The following RGS7 variants were observed in gnomAD, a reference collection of about 807,000 sequenced individuals.
RGS7 encodes regulator of G protein signaling 7, also known as regulator of G-protein signaling 7.
In RGS7, 27 loss-of-function variants were observed where a neutral mutation model predicts 81.1. The ratio of observed to expected loss-of-function variants is 0.33; its 90% CI spans 0.25 to 0.46. The LOEUF (loss-of-function observed/expected upper bound fraction) is 0.46. RGS7 is among the 20% of genes least tolerant of loss of function. The pLI, the probability that RGS7 is intolerant of heterozygous loss-of-function variation, is 1.00. For missense variants in RGS7, 396 were observed against 607.4 expected (o/e 0.65, Z 3.66); for synonymous variants, 208 against 207.7 (o/e 1.00, Z -0.01).
At chr1:241,106,743 A>ACTC in intron 2 of RGS7, among the ~76,000 whole-genome samples, 1 of 95,934 alleles carries the variant, frequency 1.0e-5, no homozygotes, top group African/African-American at 4.9e-5. Context: ...AAAAAAACCA[A>ACTC]CACCACCACC....
intron 2 of RGS7, among the ~76,000 whole-genome samples, chr1:241,343,123 A>G (rs1027992522): frequency 1.3e-5 from 2 of 152,062 alleles, no homozygotes; most frequent in Non-Finnish European, 2.9e-5. Flanking sequence ...TTAGTCAGGC[A>G]TGGTGGTGCG....
intron 2 of RGS7, among the ~76,000 whole-genome samples, chr1:241,129,738 G>T (rs983581187): frequency 1.3e-5 from 2 of 152,050 alleles, no homozygotes; most frequent in African/African-American, 2.4e-5. Context: ...AAATCAGTAG[G>T]TATAGGGTGG....
chr1:241,290,583 G>A (rs534366968), intron 2 of RGS7, among the ~76,000 whole-genome samples: 19 of 152,176 alleles, frequency 1.2e-4, no homozygotes, highest in East Asian at 5.8e-4. Context: ...GAATGAACTC[G>A]CCTAGAATAA....
At position 240,901,734 on chromosome 1, in the gene RGS7, G is replaced by A. The variant is rs947523557; in HGVS notation, c.385+28983C>T. On this transcript the variant is annotated intron_variant, in intron 6 of 18. Transcript: ENST00000440928. ...GGTCTCAGTCACTACTCCTCACTAC[G>A]TATGGTCTCCAAGTCATGTTCACTG... Among the ~76,000 whole-genome samples, 4 of 152,162 alleles carry A rather than the reference G, an allele frequency of 2.6e-5. No individual in the cohort carries two copies. The South Asian group carries it at 6.2e-4, about 24-fold the overall frequency.
At chr1:240,981,107 G>C (rs543708338) in intron 4 of RGS7, among the ~76,000 whole-genome samples, 96 of 150,110 alleles carry the variant, frequency 6.4e-4, no homozygotes, top group African/African-American at 1.8e-3. Context: ...GGTTTTTTTT[G>C]TTTGTTTGTT....
intron 2 of RGS7, among the ~76,000 whole-genome samples, chr1:241,347,821 G>C (rs2148725733): frequency 6.6e-6 from 1 of 152,040 alleles, no homozygotes; most frequent in South Asian, 2.1e-4. Context: ...AATAATCAGT[G>C]TCATTTACCA....
At chr1:241,225,693 G>GT (rs1374043142) in intron 2 of RGS7, among the ~76,000 whole-genome samples, 1 of 152,174 alleles carries the variant, frequency 6.6e-6, no homozygotes, top group Non-Finnish European at 1.5e-5. Flanking sequence ...AACTTAGTAA[G>GT]TATCTTAAAG....
At chr1:240,790,816 G>C (rs1857155) in intron 18 of RGS7, among the ~76,000 whole-genome samples, 20,072 of 152,038 alleles carry the variant, frequency 0.13, 2,961 homozygotes, top group African/African-American at 0.37. Flanking sequence ...TTCTGAAACT[G>C]CAAAAATTTT....
intron 2 of RGS7, among the ~76,000 whole-genome samples, chr1:241,348,334 C>T (rs897748649): frequency 6.6e-6 from 1 of 152,120 alleles, no homozygotes; most frequent in African/African-American, 2.4e-5. Flanking sequence ...CCAATCTTAT[C>T]GTTCCTGGGG....
At chr1:241,289,360 A>T (rs1439236586) in intron 2 of RGS7, among the ~76,000 whole-genome samples, 1 of 152,144 alleles carries the variant, frequency 6.6e-6, no homozygotes, top group African/African-American at 2.4e-5. Context: ...GCAATTATCC[A>T]GTCATCTGGG....
intron 2 of RGS7, among the ~76,000 whole-genome samples, chr1:241,321,420 C>G (rs1213116922): frequency 1.3e-5 from 2 of 152,198 alleles, no homozygotes; most frequent in Non-Finnish European, 2.9e-5. Flanking sequence ...CAAACTCGAT[C>G]CCCCTTCCAC....
At chr1:240,897,645 G>T (rs1669311419) in intron 6 of RGS7, among the ~76,000 whole-genome samples, 2 of 152,194 alleles carry the variant, frequency 1.3e-5, no homozygotes, top group Non-Finnish European at 2.9e-5. Context: ...CTTGACCATG[G>T]TGGATAAGCT....
chr1:241,016,327 G>T, intron 3 of RGS7, among the ~76,000 whole-genome samples: 1 of 152,120 alleles, frequency 6.6e-6, no homozygotes, highest in East Asian at 1.9e-4. Flanking sequence ...AGACCATCCT[G>T]GCCAACATCG....
At chr1:241,319,326 C>T (rs1418216056) in intron 2 of RGS7, among the ~76,000 whole-genome samples, 1 of 152,002 alleles carries the variant, frequency 6.6e-6, no homozygotes, top group Non-Finnish European at 1.5e-5. Flanking sequence ...ACATGAAATG[C>T]TAATATAAAA....
intron 2 of RGS7, among the ~76,000 whole-genome samples, chr1:241,231,253 G>C (rs1447159200): frequency 6.6e-6 from 1 of 152,138 alleles, no homozygotes; most frequent in Non-Finnish European, 1.5e-5. Context: ...AAATGAAAGA[G>C]CCTCTATTTA....
At chr1:241,048,822 T>A (rs1031384286) in intron 3 of RGS7, among the ~76,000 whole-genome samples, 1 of 152,186 alleles carries the variant, frequency 6.6e-6, no homozygotes, top group African/African-American at 2.4e-5. Context: ...ACATTTATTG[T>A]CTCATGGTTC....
chr1:240,803,875 G>A (rs1297300836), intron 15 of RGS7, among the ~76,000 whole-genome samples: 1 of 151,154 alleles, frequency 6.6e-6, no homozygotes, highest in Non-Finnish European at 1.5e-5. Flanking sequence ...TTTTCTTGAA[G>A]AAAATAGATG....
intron 2 of RGS7, among the ~76,000 whole-genome samples, chr1:241,170,822 A>G (rs2070682139): frequency 6.6e-6 from 1 of 152,222 alleles, no homozygotes; most frequent in African/African-American, 2.4e-5. Flanking sequence ...GTAAACCAAT[A>G]GTATTCTTAA....
intron 6 of RGS7, among the ~76,000 whole-genome samples, chr1:240,922,734 T>C (rs377714550): frequency 2.0e-5 from 3 of 152,126 alleles, no homozygotes; most frequent in Non-Finnish European, 2.9e-5. Flanking sequence ...GGTAAGGATG[T>C]GGAGCAACAG....
Sources: allele counts gnomAD v4.1 joint callset (sites outside exome capture counted in the v4.1 genomes callset), GRCh38; gene constraint gnomAD v4.1.1; transcripts MANE v1.5; gene names NCBI Gene and HGNC (gene_info 2026-07-23, HGNC 2026-07-21).